CREB5: variants seen among roughly 807,000 people sequenced by gnomAD.
The protein encoded by CREB5 is cyclic AMP-responsive element-binding protein 5.
A neutral mutation model predicts 57.1 loss-of-function variants in CREB5; 19 were observed. The ratio of observed to expected loss-of-function variants is 0.33; its 90% CI spans 0.23 to 0.49. CREB5 has a LOEUF of 0.49. Ranked by LOEUF, CREB5 falls within the 20% of genes least tolerant of loss-of-function variation. CREB5 has a pLI of 0.99. For missense variants in CREB5, 579 were observed against 671.6 expected (o/e 0.86, Z 1.52); for synonymous variants, 238 against 238.3 (o/e 1.00, Z 0.01).
intron 1 of CREB5, among the ~76,000 whole-genome samples, chr7:28,371,812 C>T (rs1042361154): frequency 2.3e-5 from 3 of 129,424 alleles, no homozygotes; most frequent in Non-Finnish European, 4.8e-5. Flanking sequence ...GTGGGAGCCC[C>T]GAGGGCAGGC....
intron 6 of CREB5, among the ~76,000 whole-genome samples, chr7:28,723,584 A>G (rs1016021073): frequency 6.6e-6 from 1 of 152,230 alleles, no homozygotes; most frequent in Admixed American, 6.5e-5. Context: ...ACAAGGAAGA[A>G]GAGATGCACT....
intron 5 of CREB5, among the ~76,000 whole-genome samples, chr7:28,572,353 A>G (rs1216218392): frequency 6.6e-6 from 1 of 152,220 alleles, no homozygotes; most frequent in African/African-American, 2.4e-5. Flanking sequence ...TCAAATGACC[A>G]TGAGAGCAAA....
intron 1 of CREB5, among the ~76,000 whole-genome samples, chr7:28,414,554 A>G (rs1051821498): frequency 1.3e-5 from 2 of 152,330 alleles, no homozygotes; most frequent in South Asian, 4.1e-4. Flanking sequence ...ACAGACTTAA[A>G]GACACAGAAG....
intron 7 of CREB5, among the ~76,000 whole-genome samples, chr7:28,741,307 G>GTATC (rs1562609309): frequency 6.6e-6 from 1 of 152,118 alleles, no homozygotes; most frequent in African/African-American, 2.4e-5. Flanking sequence ...ATTCCATAAC[G>GTATC]TATCTGAAAG....
At chr7:28,560,947 T>TGTGCGCGC (rs1795207062) in intron 4 of CREB5, among the ~76,000 whole-genome samples, 1 of 21,186 alleles carries the variant, frequency 4.7e-5, no homozygotes, top group Admixed American at 5.7e-4. Context: ...CGTGCGTGTG[T>TGTGCGCGC]GTGCGTGTGT....
chr7:28,397,866 T>G (rs1368564045), intron 1 of CREB5, among the ~76,000 whole-genome samples: 1 of 152,086 alleles, frequency 6.6e-6, no homozygotes, highest in African/African-American at 2.4e-5. Flanking sequence ...GAGAGGGAGG[T>G]GTATTAACTT....
chr7:28,483,438 T>A (rs1273587987), intron 1 of CREB5, among the ~76,000 whole-genome samples: 1 of 152,228 alleles, frequency 6.6e-6, no homozygotes, highest in Non-Finnish European at 1.5e-5. Flanking sequence ...CTTTATGTGC[T>A]ATTAGGATTT....
chr7:28,718,736 T>G lies in CREB5; in HGVS notation c.465-17T>G. The G allele has an allele frequency of 6.2e-7, 1 of 1,612,956 alleles. No individual in the cohort carries two copies. Among genetic ancestry groups the G allele is most frequent in the South Asian group, 1.1e-5 (1 of 91,074 alleles). On this transcript the variant is annotated splice_polypyrimidine_tract_variant and intron_variant, in intron 5 of 10. Transcript: ENST00000357727. ...GGCACCAGGAATCATGTTTGTTTGT[T>G]TTTTTCTTTGTCCCAGGCCTGTCCC...
At chr7:28,624,152 G>A (rs138539982) in intron 5 of CREB5, among the ~76,000 whole-genome samples, 1 of 152,318 alleles carries the variant, frequency 6.6e-6, no homozygotes, top group African/African-American at 2.4e-5. Context: ...CAATAAGTAA[G>A]TGCAAATGAA....
At chr7:28,762,197 G>A (rs1047675299) in intron 7 of CREB5, among the ~76,000 whole-genome samples, 2 of 152,034 alleles carry the variant, frequency 1.3e-5, no homozygotes, top group Non-Finnish European at 2.9e-5. Context: ...TATTATTTTG[G>A]TTGTCAATTT....
At chr7:28,516,569 C>T (rs1464232046) in intron 4 of CREB5, among the ~76,000 whole-genome samples, 2 of 152,192 alleles carry the variant, frequency 1.3e-5, no homozygotes, top group African/African-American at 2.4e-5. Context: ...TTCTTTGGCC[C>T]GCCCTGCCCT....
At chr7:28,342,669 C>T (rs527303344) in intron 1 of CREB5, among the ~76,000 whole-genome samples, 3 of 152,300 alleles carry the variant, frequency 2.0e-5, no homozygotes, top group South Asian at 4.2e-4. Flanking sequence ...CTATTTACAA[C>T]CCCTCTGTCT....
chr7:28,735,366 T>C (rs1238425519), intron 7 of CREB5, among the ~76,000 whole-genome samples: 1 of 152,232 alleles, frequency 6.6e-6, no homozygotes, highest in East Asian at 1.9e-4. Context: ...GAGATGTGTT[T>C]GTGTCATTCA....
intron 7 of CREB5, among the ~76,000 whole-genome samples, chr7:28,773,213 A>C (rs1806431727): frequency 6.6e-6 from 1 of 151,956 alleles, no homozygotes; most frequent in Non-Finnish European, 1.5e-5. Flanking sequence ...ACTATGTGGA[A>C]CTCTACCTAC....
chr7:28,404,012 A>G (rs1787528627), intron 1 of CREB5, among the ~76,000 whole-genome samples: 1 of 152,150 alleles, frequency 6.6e-6, no homozygotes, highest in Admixed American at 6.5e-5. Context: ...AATCACTCAA[A>G]TCCCATAATT....
intron 1 of CREB5, among the ~76,000 whole-genome samples, chr7:28,396,759 T>C (rs993283204): frequency 3.0e-4 from 46 of 152,346 alleles, no homozygotes; most frequent in African/African-American, 1.1e-3. Flanking sequence ...ATTTTTATTC[T>C]GGCAAGTTCA....
In CREB5 at chr7:28,582,053, C is replaced by T. The variant is rs147327095; in HGVS notation, c.464+11516C>T. Among the ~76,000 whole-genome samples, 473 of 152,216 alleles carry T rather than the reference C, an allele frequency of 3.1e-3. 1 individual carries two copies. The highest frequency in any genetic ancestry group is 4.8e-3 in the Non-Finnish European group (326 of 68,022). ...ATGAAAGTTGCACTGTAGTGATTTC[C>T]GGGGATTTGTGGTCCTGGATATTTA... On this transcript the variant is annotated intron_variant, in intron 5 of 10. Coordinates refer to ENST00000357727, the MANE Select transcript of CREB5 (RefSeq NM_182898.4).
At position 28,681,955 on chromosome 7, in the gene CREB5, G is replaced by A. The variant is rs541330106; in HGVS notation, c.465-36798G>A. On this transcript the variant is annotated intron_variant, in intron 5 of 10. Coordinates refer to ENST00000357727, the MANE Select transcript of CREB5 (RefSeq NM_182898.4). ...GCAGAATTGATGACAATATTTTAGG[G>A]CTAATCAAATGGCTCTTGTGACCTC... Among the ~76,000 whole-genome samples the A allele has an allele frequency of 2.6e-5, 4 of 152,290 alleles. No individual in the cohort carries two copies. The East Asian group carries it at 7.7e-4, about 29-fold the overall frequency.
intron 9 of CREB5, 50 bp downstream of exon 9, chr7:28,809,464 G>A (rs1296501972): frequency 1.7e-5 from 26 of 1,503,290 alleles, no homozygotes; most frequent in Admixed American, 6.1e-5. Flanking sequence ...TCTGCTCCAC[G>A]GGCATTTCCG....
Sources: allele counts gnomAD v4.1 joint callset (sites outside exome capture counted in the v4.1 genomes callset), GRCh38; gene constraint gnomAD v4.1.1; transcripts MANE v1.5; gene names NCBI Gene and HGNC (gene_info 2026-07-23, HGNC 2026-07-21).